Variants in NELL2 observed in about 807,000 individuals in gnomAD.
NELL2 encodes the protein neural EGFL like 2, also known as protein kinase C-binding protein NELL2.
A neutral mutation model predicts 109.6 loss-of-function variants in NELL2; 41 were observed. The observed-to-expected ratio is 0.37, with a 90% CI of 0.29 to 0.49. The LOEUF (loss-of-function observed/expected upper bound fraction) is 0.49, where lower values mean the gene tolerates loss of function less well. NELL2 is among the 20% of genes least tolerant of loss of function. The pLI is 0.98. For missense variants in NELL2, 900 were observed against 1,008.3 expected, an observed-to-expected ratio of 0.89 and a Z score of 1.45; for synonymous variants, 355 against 344.7, an observed-to-expected ratio of 1.03 and a Z score of -0.33.
At chr12:44,876,392 G>A, upstream of NELL2, 7 of 1,265,318 alleles carry the variant, frequency 5.5e-6, no homozygotes, top group Non-Finnish European at 7.0e-6. Flanking sequence ...GCGGGGTAAG[G>A]AGGAGGGAGG....
intron 1 of NELL2, among the ~76,000 whole-genome samples, chr12:44,897,986 A>G (rs776160443): frequency 2.0e-5 from 3 of 152,164 alleles, no homozygotes; most frequent in Non-Finnish European, 4.4e-5. Context: ...CTCACAGTAT[A>G]AACAAGCTGT....
At chr12:44,904,936 C>T (rs970658847) in intron 1 of NELL2, among the ~76,000 whole-genome samples, 17 of 151,952 alleles carry the variant, frequency 1.1e-4, no homozygotes, top group Non-Finnish European at 1.9e-4. Flanking sequence ...ATCATGATTT[C>T]CCCACTGGGC....
intron 2 of NELL2, among the ~76,000 whole-genome samples, chr12:44,835,166 A>G (rs1292947948): frequency 5.3e-5 from 8 of 152,154 alleles, no homozygotes; most frequent in Non-Finnish European, 1.0e-4. Context: ...CACACCCAGG[A>G]CACAGGCCAG....
At chr12:44,521,935 G>A (rs1289663071) in intron 18 of NELL2, 65 bp downstream of exon 18, 15 of 1,532,090 alleles carry the variant, frequency 9.8e-6, no homozygotes, top group South Asian at 2.4e-5. Flanking sequence ...TGGGGAGGAC[G>A]AGGTTGCTTC....
At chr12:44,608,209 A>AAAAG (rs1384504593) in intron 14 of NELL2, among the ~76,000 whole-genome samples, 25 of 152,098 alleles carry the variant, frequency 1.6e-4, no homozygotes, top group Non-Finnish European at 3.5e-4. Context: ...GCATTAAGAC[A>AAAAG]AAAGTTTTCT....
At chr12:44,554,604 A>G (rs1943169844) in intron 15 of NELL2, among the ~76,000 whole-genome samples, 1 of 152,210 alleles carries the variant, frequency 6.6e-6, no homozygotes, top group African/African-American at 2.4e-5. Context: ...TGTGGGGTTT[A>G]CTGTATGTCA....
chr12:44,574,250 C>T (rs1027197246), intron 15 of NELL2, among the ~76,000 whole-genome samples: 2 of 151,756 alleles, frequency 1.3e-5, no homozygotes, highest in Non-Finnish European at 2.9e-5. Context: ...TACAGGCGTG[C>T]GCCACAACGC....
At chr12:44,543,073 T>C (rs569308579) in intron 15 of NELL2, among the ~76,000 whole-genome samples, 10 of 152,246 alleles carry the variant, frequency 6.6e-5, no homozygotes, top group Non-Finnish European at 1.2e-4. Flanking sequence ...CCTAGGAAAA[T>C]AGTACAGTAT....
chr12:44,876,427 T>C, upstream of NELL2: 1 of 1,279,158 alleles, frequency 7.8e-7, no homozygotes, highest in Non-Finnish European at 9.9e-7. Flanking sequence ...AGGCCGGCGC[T>C]CAGCGTCGGT....
chr12:44,684,029 A>G (rs1194783278), intron 12 of NELL2, among the ~76,000 whole-genome samples: 3 of 152,210 alleles, frequency 2.0e-5, no homozygotes, highest in South Asian at 2.1e-4. Flanking sequence ...GGTAGAATTC[A>G]GCTGTGAATC....
At chr12:44,785,235 T>C (rs894859438) in intron 3 of NELL2, among the ~76,000 whole-genome samples, 4 of 152,082 alleles carry the variant, frequency 2.6e-5, no homozygotes, top group African/African-American at 7.2e-5. Flanking sequence ...TATACACCAA[T>C]AACAGAGAAA....
At chr12:44,732,893 G>C (rs1193634287) in intron 9 of NELL2, among the ~76,000 whole-genome samples, 1 of 151,976 alleles carries the variant, frequency 6.6e-6, no homozygotes, top group African/African-American at 2.4e-5. Flanking sequence ...CAAAGGATTT[G>C]AATAGGCATT....
At chr12:44,598,877 ACACACACTCTCTCT>A (rs988564155) in intron 15 of NELL2, among the ~76,000 whole-genome samples, 2 of 149,018 alleles carry the variant, frequency 1.3e-5, no homozygotes, top group African/African-American at 5.0e-5. Context: ...ACACACACAC[ACACACACTCTCTCT>A]CTCTCTCTCT....
rs1017293023 is a variant in NELL2 at position 44,826,405 on chromosome 12, A to C, written c.185-10269T>G. Reference sequence around the variant, plus strand: ...CTAAATTCAGGTTAGAAATATATTGAGTTAAAACTATTATGATAGTTACTC... The same window carrying C: ...CTAAATTCAGGTTAGAAATATATTGCGTTAAAACTATTATGATAGTTACTC... On this transcript the variant is annotated intron_variant, in intron 2 of 19. Transcript: ENST00000429094. Among the ~76,000 whole-genome samples, 4 of 152,194 alleles carry C rather than the reference A, an allele frequency of 2.6e-5. No individual in the cohort carries two copies. The East Asian group carries it at 7.7e-4, about 29-fold the overall frequency.
chr12:44,738,366 G>A (rs1939763560), intron 9 of NELL2, among the ~76,000 whole-genome samples: 1 of 151,808 alleles, frequency 6.6e-6, no homozygotes, highest in Admixed American at 6.6e-5. Context: ...CACTGCAGCA[G>A]TATTCATAAT....
chr12:44,890,310 C>A (rs1028471805), intron 1 of NELL2, among the ~76,000 whole-genome samples: 1 of 152,096 alleles, frequency 6.6e-6, no homozygotes, highest in East Asian at 1.9e-4. Context: ...GTATTCACAG[C>A]GCTAAGTACA....
chr12:44,916,784 A>C (rs1042003364), upstream of NELL2, among the ~76,000 whole-genome samples: 1 of 152,218 alleles, frequency 6.6e-6, no homozygotes, highest in African/African-American at 2.4e-5. Context: ...TCATAGACTC[A>C]CAAGGTCAGA....
chr12:44,874,773 C>T (rs1254319652), intron 2 of NELL2, among the ~76,000 whole-genome samples: 2 of 152,114 alleles, frequency 1.3e-5, no homozygotes, highest in Non-Finnish European at 2.9e-5. Context: ...TATTCAGAGG[C>T]ATTAATTTTT....
At chr12:44,532,776 G>A in intron 15 of NELL2, 55 bp from the exon 16 acceptor site, 1 of 1,536,454 alleles carries the variant, frequency 6.5e-7, no homozygotes, top group Non-Finnish European at 8.8e-7. Context: ...AAAGAAACTA[G>A]AATATTCTGC....
Sources: allele counts gnomAD v4.1 joint callset (sites outside exome capture counted in the v4.1 genomes callset), GRCh38; gene constraint gnomAD v4.1.1; transcripts MANE v1.5; gene names NCBI Gene and HGNC (gene_info 2026-07-23, HGNC 2026-07-21).